LOC400499: variants seen among roughly 807,000 people sequenced by gnomAD.
At chr16:11,402,264 C>T in the LOC400499 span, 8 of 398,352 alleles carry the variant, frequency 2.0e-5, no homozygotes, top group East Asian at 3.6e-5. Context: ...TGCCAGCTCA[C>T]GCAAATGGCC....
chr16:11,424,846 G>A, the LOC400499 span, among the ~76,000 whole-genome samples: 1 of 152,282 alleles, frequency 6.6e-6, no homozygotes, highest in African/African-American at 2.4e-5. Context: ...AGCTGTCCCA[G>A]GGAATTGGGG....
At chr16:11,520,885 T>G in the LOC400499 span, among the ~76,000 whole-genome samples, 1 of 152,142 alleles carries the variant, frequency 6.6e-6, no homozygotes, top group Non-Finnish European at 1.5e-5. Flanking sequence ...AAAATTTCCA[T>G]TTTCACCTAG....
the LOC400499 span, chr16:11,461,246 A>G: frequency 1.1e-5 from 13 of 1,167,956 alleles, no homozygotes; most frequent in African/African-American, 1.5e-5. Flanking sequence ...TGAAGAGCCA[A>G]CATGTGCACC....
the LOC400499 span, among the ~76,000 whole-genome samples, chr16:11,458,437 G>A: frequency 2.6e-5 from 4 of 151,766 alleles, no homozygotes; most frequent in Non-Finnish European, 4.4e-5. Flanking sequence ...CCTGGGAGGC[G>A]GAGGTTGCAG....
chr16:11,509,636 G>A, the LOC400499 span, among the ~76,000 whole-genome samples: 2 of 151,122 alleles, frequency 1.3e-5, no homozygotes, highest in African/African-American at 4.9e-5. Flanking sequence ...TTCGAGACCA[G>A]CCTGGCCAGG....
At chr16:11,481,369 C>G in the LOC400499 span, among the ~76,000 whole-genome samples, 3 of 152,332 alleles carry the variant, frequency 2.0e-5, no homozygotes, top group African/African-American at 7.2e-5. Context: ...GCCGCCCAAG[C>G]TAGAGTGCAG....
the LOC400499 span, among the ~76,000 whole-genome samples, chr16:11,423,504 A>G: frequency 6.6e-6 from 1 of 152,228 alleles, no homozygotes; most frequent in Non-Finnish European, 1.5e-5. Context: ...ACCACAGAGT[A>G]ACCATGGGAG....
the LOC400499 span, chr16:11,425,339 C>T: frequency 2.5e-6 from 1 of 399,318 alleles, no homozygotes; most frequent in Non-Finnish European, 4.4e-6. Flanking sequence ...GGACACAGGT[C>T]ACGCTGCGCA....
the LOC400499 span, among the ~76,000 whole-genome samples, chr16:11,465,765 C>CG: frequency 8.4e-6 from 1 of 119,360 alleles, no homozygotes; most frequent in Non-Finnish European, 1.6e-5. Flanking sequence ...AAAGAGAAGG[C>CG]GGGGGGTGGG....
chr16:11,457,923 C>T, the LOC400499 span, among the ~76,000 whole-genome samples: 1 of 152,206 alleles, frequency 6.6e-6, no homozygotes, highest in Non-Finnish European at 1.5e-5. Context: ...AAGGACAGGA[C>T]AGGCACGGTG....
At chr16:11,426,704 G>C in the LOC400499 span, among the ~76,000 whole-genome samples, 871 of 151,706 alleles carry the variant, frequency 5.7e-3, 8 homozygotes, top group African/African-American at 0.02. Context: ...TGAGGTAGGA[G>C]GATTGTTTAA....
chr16:11,480,349 G>A, the LOC400499 span, among the ~76,000 whole-genome samples: 1 of 152,176 alleles, frequency 6.6e-6, no homozygotes, highest in Non-Finnish European at 1.5e-5. Flanking sequence ...TAACAGCAAG[G>A]ATTATTGCCC....
chr16:11,398,141 T>C, the LOC400499 span, among the ~76,000 whole-genome samples: 2 of 152,178 alleles, frequency 1.3e-5, no homozygotes, highest in African/African-American at 4.8e-5. Flanking sequence ...TCCTGGAACC[T>C]GCTGCTCCTT....
At chr16:11,387,422 G>A in the LOC400499 span, 4 of 712,120 alleles carry the variant, frequency 5.6e-6, no homozygotes, top group South Asian at 2.2e-4. Flanking sequence ...CTTTCAGGGA[G>A]GGGCTGTCCT....
At chr16:11,393,602 C>A in the LOC400499 span, 1 of 1,229,400 alleles carries the variant, frequency 8.1e-7, no homozygotes, top group South Asian at 4.1e-5. Flanking sequence ...CCTGGCCCAC[C>A]TGTCCCTGGT....
chr16:11,421,023 A>G, the LOC400499 span, among the ~76,000 whole-genome samples: 1 of 152,136 alleles, frequency 6.6e-6, no homozygotes, highest in South Asian at 2.1e-4. Flanking sequence ...CACCTCTGCC[A>G]AACTGTCCCC....
the LOC400499 span, among the ~76,000 whole-genome samples, chr16:11,379,053 C>G: frequency 2.4e-4 from 37 of 152,240 alleles, no homozygotes; most frequent in African/African-American, 8.7e-4. Context: ...CACCTGAGGT[C>G]AGGAGTTCAA....
At chr16:11,425,804 A>C in the LOC400499 span, among the ~76,000 whole-genome samples, 1 of 152,082 alleles carries the variant, frequency 6.6e-6, no homozygotes, top group Non-Finnish European at 1.5e-5. Context: ...TCTCATACAA[A>C]CTCGTTCAGA....
the LOC400499 span, among the ~76,000 whole-genome samples, chr16:11,419,948 A>G: frequency 0.12 from 18,248 of 147,404 alleles, 1,355 homozygotes; most frequent in African/African-American, 0.22. Context: ...GAAACAACAG[A>G]TGCTGGCGAG....
Sources: allele counts gnomAD v4.1 joint callset (sites outside exome capture counted in the v4.1 genomes callset), GRCh38; gene constraint gnomAD v4.1.1; transcripts MANE v1.5.